Variants in EPN2 observed in about 807,000 individuals in gnomAD.
EPN2 encodes epsin 2.
EPN2 carries 34 observed loss-of-function variants against 61.7 expected under a neutral mutation model. The observed-to-expected ratio is 0.55, with a 90% CI of 0.42 to 0.73. EPN2 has a LOEUF of 0.73. Among genes scored for constraint, EPN2 ranks in the 30% least tolerant of loss-of-function variants. EPN2 has a pLI of 0.00. For synonymous variants in EPN2, 349 were observed against 353.6 expected (o/e 0.99, Z 0.15); for missense variants, 714 against 839.2 (o/e 0.85, Z 1.84).
chr17:19,248,345 C>G (rs1454426147), intron 1 of EPN2: 1 of 152,146 alleles, frequency 6.6e-6, no homozygotes, highest in African/African-American at 2.4e-5. Flanking sequence ...ATTTGGCAAG[C>G]CTCCTTTCAA....
chr17:19,241,584 CAAAAAA>C (rs767439856), intron 1 of EPN2, among the ~76,000 whole-genome samples: 13 of 60,094 alleles, frequency 2.2e-4, no homozygotes, highest in South Asian at 7.7e-4. Flanking sequence ...GACTCTGTCT[CAAAAAA>C]AAAAAAAAAA....
intron 7 of EPN2, among the ~76,000 whole-genome samples, chr17:19,317,429 T>C (rs903811680): frequency 2.0e-5 from 3 of 152,210 alleles, no homozygotes; most frequent in Non-Finnish European, 4.4e-5. Context: ...AGAGGCTGTC[T>C]TCCGCCCTGG....
At chr17:19,289,280 T>G (rs1194291426) in intron 4 of EPN2, among the ~76,000 whole-genome samples, 5 of 151,826 alleles carry the variant, frequency 3.3e-5, no homozygotes, top group Admixed American at 3.3e-4. Flanking sequence ...GAGATGAGGT[T>G]TCATCATGTT....
chr17:19,329,388 C>T (rs1284990708), intron 8 of EPN2, 173 bp from the exon 9 acceptor site: 4 of 568,514 alleles, frequency 7.0e-6, no homozygotes, highest in Non-Finnish European at 1.2e-5. Context: ...TCCCAGCGTG[C>T]TGGTGACCCC....
At chr17:19,317,379 G>A (rs530595663) in intron 7 of EPN2, among the ~76,000 whole-genome samples, 1 of 152,212 alleles carries the variant, frequency 6.6e-6, no homozygotes, top group Non-Finnish European at 1.5e-5. Flanking sequence ...GCTGGCTGGA[G>A]CCCTCTCTCT....
At chr17:19,251,730 G>A (rs571699155) in intron 1 of EPN2, among the ~76,000 whole-genome samples, 2 of 152,086 alleles carry the variant, frequency 1.3e-5, no homozygotes, top group African/African-American at 4.8e-5. Context: ...CACTGCACCC[G>A]GCCAGGTAGT....
At chr17:19,328,146 T>C (rs1346727034) in intron 7 of EPN2, among the ~76,000 whole-genome samples, 1 of 152,222 alleles carries the variant, frequency 6.6e-6, no homozygotes, top group Non-Finnish European at 1.5e-5. Flanking sequence ...GTTTTATTGC[T>C]TAAGTTGGGT....
chr17:19,252,229 G>A (rs541820672), intron 1 of EPN2, among the ~76,000 whole-genome samples: 1 of 152,258 alleles, frequency 6.6e-6, no homozygotes, highest in East Asian at 1.9e-4. Context: ...GGCCTTTTGT[G>A]TGCCTTCTGT....
intron 1 of EPN2, among the ~76,000 whole-genome samples, chr17:19,250,193 C>T (rs903534128): frequency 6.6e-6 from 1 of 151,860 alleles, no homozygotes; most frequent in African/African-American, 2.4e-5. Flanking sequence ...CTCCCTGGTT[C>T]AAGGGATTCT....
At position 19,335,055 on chromosome 17, in the gene EPN2, A is replaced by G. The variant is rs565655813; in HGVS notation, c.*801A>G. On this transcript the variant is annotated 3_prime_UTR_variant, in exon 11 of 11. Transcript: ENST00000314728. ...CTTATTTATGGTTTTAACTCTAAGA[A>G]AATTTTAAAAGGAAGAGATGTTTGG... The G allele has an allele frequency of 5.7e-6, 1 of 175,738 alleles. No individual in the cohort carries two copies. Among genetic ancestry groups the G allele is most frequent in the South Asian group, 1.7e-4 (1 of 5,960 alleles). The allele number at this position is 175,738 out of a possible 1,614,324, so 10.9% of individuals were successfully genotyped here.
In EPN2 at chr17:19,288,986, G is replaced by A. The variant is rs369399701; in HGVS notation, c.766+3196G>A. ...GTGGGAGCAGGGAGCCAGGTCAGGA[G>A]GCCACTGTCCCCATCCAGGTGGGAG... is the stretch of plus-strand genomic sequence containing the variant. On this transcript the variant is annotated intron_variant, in intron 4 of 10. Coordinates refer to ENST00000314728, the MANE Select transcript of EPN2 (RefSeq NM_014964.5). Among the ~76,000 whole-genome samples the A allele has an allele frequency of 9.9e-5, 15 of 152,086 alleles. No individual in the cohort carries two copies. In the East Asian group the frequency reaches 1.7e-3, roughly 18 times the overall value.
intron 4 of EPN2, among the ~76,000 whole-genome samples, chr17:19,293,861 G>A (rs2152222593): frequency 6.6e-6 from 1 of 152,182 alleles, no homozygotes; most frequent in East Asian, 1.9e-4. Context: ...GCCGAGGCTG[G>A]TGGATCACTT....
chr17:19,256,333 C>T (rs192310990), intron 1 of EPN2, among the ~76,000 whole-genome samples: 21 of 151,268 alleles, frequency 1.4e-4, no homozygotes, highest in African/African-American at 5.1e-4. Context: ...CACCCATTAT[C>T]CCAGCTACTC....
intron 4 of EPN2, among the ~76,000 whole-genome samples, chr17:19,287,287 G>T (rs960657422): frequency 6.6e-6 from 1 of 152,012 alleles, no homozygotes; most frequent in Admixed American, 6.6e-5. Flanking sequence ...TATCCACCCC[G>T]TGTGGATTTA....
At chr17:19,333,830 GC>G in intron 10 of EPN2, 125 bp from the exon 11 acceptor site, 1 of 676,844 alleles carries the variant, frequency 1.5e-6, no homozygotes, top group Non-Finnish European at 2.4e-6. Flanking sequence ...CATGGACTCG[GC>G]CGGCACTGTC....
intron 7 of EPN2, among the ~76,000 whole-genome samples, chr17:19,316,544 G>A (rs1290927154): frequency 6.6e-6 from 1 of 152,246 alleles, no homozygotes; most frequent in African/African-American, 2.4e-5. Context: ...TCCTGGAAAA[G>A]TCACCACAAA....
At chr17:19,266,743 G>T (rs537254308) in intron 1 of EPN2, among the ~76,000 whole-genome samples, 85 of 151,746 alleles carry the variant, frequency 5.6e-4, no homozygotes, top group Middle Eastern at 3.4e-3. Context: ...ATTCTTCATG[G>T]CATGATAGCC....
intron 5 of EPN2, among the ~76,000 whole-genome samples, chr17:19,310,692 C>T (rs940207611): frequency 6.8e-6 from 1 of 147,602 alleles, no homozygotes; most frequent in African/African-American, 2.5e-5. Flanking sequence ...ATTCTCGTGC[C>T]TCAGCGTCCC....
chr17:19,276,855 C>T (rs901693675), intron 1 of EPN2, among the ~76,000 whole-genome samples: 17 of 143,974 alleles, frequency 1.2e-4, no homozygotes, highest in African/African-American at 4.9e-4. Flanking sequence ...GACAACCCTC[C>T]CACCTCCACC....
Sources: allele counts gnomAD v4.1 joint callset (sites outside exome capture counted in the v4.1 genomes callset), GRCh38; gene constraint gnomAD v4.1.1; transcripts MANE v1.5; gene names NCBI Gene and HGNC (gene_info 2026-07-23, HGNC 2026-07-21).